CAMKK2: variants seen among roughly 807,000 people sequenced by gnomAD.
CAMKK2 encodes calcium/calmodulin dependent protein kinase kinase 2.
A neutral mutation model predicts 67.2 loss-of-function variants in CAMKK2; 30 were observed. The ratio of observed to expected loss-of-function variants is 0.45; its 90% CI spans 0.33 to 0.61. CAMKK2 has a LOEUF of 0.61. Among genes scored for constraint, CAMKK2 ranks in the 20% least tolerant of loss-of-function variants. CAMKK2 has a pLI of 0.02. For missense variants in CAMKK2, 643 were observed against 802.0 expected (o/e 0.80, Z 2.39); for synonymous variants, 322 against 326.2 (o/e 0.99, Z 0.14).
chr12:121,261,935 C>T (rs759158217), intron 6 of CAMKK2, among the ~76,000 whole-genome samples: 1 of 152,316 alleles, frequency 6.6e-6, no homozygotes, highest in South Asian at 2.1e-4. Flanking sequence ...ACCAGAGGTG[C>T]TCCAAACACA....
chr12:121,293,372 G>A (rs542537115), intron 1 of CAMKK2, among the ~76,000 whole-genome samples: 10 of 152,288 alleles, frequency 6.6e-5, no homozygotes, highest in South Asian at 2.1e-4. Context: ...AAATCCCCAG[G>A]ATCAGGAAAT....
At chr12:121,243,193 C>T (rs1371977432) in intron 16 of CAMKK2, among the ~76,000 whole-genome samples, 4 of 150,892 alleles carry the variant, frequency 2.7e-5, no homozygotes, top group Admixed American at 6.6e-5. Flanking sequence ...CCACCATGCC[C>T]GGCTAATATT....
In CAMKK2 at chr12:121,257,404, A is replaced by G. The variant is rs542447909; in HGVS notation, c.797-1600T>C. ...TGGGACTACAGGCACCTGCCACCAC[A>G]CCCGGCTAATTTTTTGTATTTTTAG... On this transcript the variant is annotated intron_variant, in intron 7 of 16. Coordinates refer to ENST00000404169, the MANE Select transcript of CAMKK2 (RefSeq NM_001270485.2). 4.2e-3 allele frequency among the ~76,000 whole-genome samples: 637 copies of G among 151,770 alleles called. 2 individuals are homozygous for G. The highest frequency in any genetic ancestry group is 7.2e-3 in the Non-Finnish European group (490 of 67,928).
intron 1 of CAMKK2, among the ~76,000 whole-genome samples, chr12:121,275,353 G>A (rs368345824): frequency 5.9e-5 from 9 of 151,952 alleles, no homozygotes; most frequent in African/African-American, 7.2e-5. Flanking sequence ...GCATGGTGGC[G>A]TGTGCCTGTA....
intron 1 of CAMKK2, among the ~76,000 whole-genome samples, chr12:121,274,804 TC>T (rs1566111201): frequency 8.3e-6 from 1 of 119,848 alleles, no homozygotes; most frequent in Non-Finnish European, 1.7e-5. Context: ...TCTTTTTTTT[TC>T]TTTTTTTTTT....
rs1046889460 is a variant in CAMKK2, at chr12:121,285,528, G to A, written c.-59-10943C>T. ...AAAAAGAAACAGAGTAGATGTGTGG[G>A]CCAGGCATGGTGGCTCACGCCTGTG... On this transcript the variant is annotated intron_variant, in intron 1 of 16. Transcript: ENST00000404169. The surrounding 1 kb of genome is among the most constrained non-coding windows in gnomAD (Gnocchi z 4.1). 3.3e-5 allele frequency among the ~76,000 whole-genome samples: 5 copies of A among 152,146 alleles called. No homozygotes were observed. Among genetic ancestry groups the A allele is most frequent in the East Asian group, 3.9e-4 (2 of 5,170 alleles).
rs116284814 is a variant in CAMKK2, at chr12:121,261,875, T to G, written c.760-1520A>C. 3.7e-3 allele frequency among the ~76,000 whole-genome samples: 568 copies of G among 152,328 alleles called. 2 individuals are homozygous for G. Among genetic ancestry groups the G allele is most frequent in the African/African-American group, 0.013 (525 of 41,584 alleles). The stretch of plus-strand genomic sequence containing the variant: ...TGAGCTGGCTGCCCCCGCTTTGTAC[T>G]CCCATGGCACTCTGAACATCCAGCA... On this transcript the variant is annotated intron_variant, in intron 6 of 16. Transcript: ENST00000404169.
chr12:121,260,401 GAA>G, intron 6 of CAMKK2, 46 bp from the exon 7 acceptor site: 1 of 1,567,824 alleles, frequency 6.4e-7, no homozygotes, highest in Non-Finnish European at 8.7e-7. Flanking sequence ...TGGCGGGGGA[GAA>G]AAAGAGAGAA....
At chr12:121,274,788 A>C (rs1151884) in intron 1 of CAMKK2, among the ~76,000 whole-genome samples, 2,459 of 139,822 alleles carry the variant, frequency 0.018, 72 homozygotes, top group African/African-American at 0.062. Context: ...TTCTTTTATT[A>C]TTTTTTCTTT....
At chr12:121,263,515 G>A (rs1893901171) in intron 6 of CAMKK2, among the ~76,000 whole-genome samples, 1 of 152,166 alleles carries the variant, frequency 6.6e-6, no homozygotes, top group Non-Finnish European at 1.5e-5. Context: ...AGTAGAAAGA[G>A]AACCAGCTTC....
At chr12:121,276,866 C>T (rs1438834416) in intron 1 of CAMKK2, among the ~76,000 whole-genome samples, 2 of 121,580 alleles carry the variant, frequency 1.6e-5, no homozygotes, top group Non-Finnish European at 3.1e-5. Flanking sequence ...AGCCTGCCAA[C>T]AGAGGGAGAC....
chr12:121,279,988 G>A (rs955997041), intron 1 of CAMKK2, among the ~76,000 whole-genome samples: 9 of 152,250 alleles, frequency 5.9e-5, no homozygotes, highest in African/African-American at 2.2e-4. Flanking sequence ...GGACACACCT[G>A]TGCAGGCTCC....
At chr12:121,272,682 G>A (rs1374357777) in intron 2 of CAMKK2, among the ~76,000 whole-genome samples, 2 of 147,678 alleles carry the variant, frequency 1.4e-5, no homozygotes, top group Non-Finnish European at 3.0e-5. Flanking sequence ...GGCCAACATG[G>A]CATTACCCCA....
rs749966784 is a variant in CAMKK2 at position 121,253,452 on chromosome 12, G to A, written c.928C>T (p.His310Tyr). 2 of 1,614,166 alleles carry A rather than the reference G, an allele frequency of 1.2e-6. No individual in the cohort carries two copies. The highest frequency in any genetic ancestry group is 8.5e-7 in the Non-Finnish European group (1 of 1,180,024). The stretch of plus-strand genomic sequence containing the variant: ...AGGTTGGAAGGTTTGATGTCACGGT[G>A]GATGATCTTCTGGTAGTGTACTGGG... ...IEYLHYQKIIHRDIKPSNLLV... is the reference protein window; with the variant it reads ...IEYLHYQKIIYRDIKPSNLLV... Residue 310 changes from histidine (H) to tyrosine (Y), a missense_variant, in exon 10 of 17, where the codon CAC (histidine) becomes TAC (tyrosine). This residue lies in a region of CAMKK2 where 483 missense variants were observed against 625.8 expected (regional missense o/e 0.77). Transcript: ENST00000404169. This position sits in a 1 kb window ranked among gnomAD's most constrained non-coding sequence, Gnocchi z 5.0.
At chr12:121,297,044 G>A (rs1300773682), upstream of CAMKK2, 1 of 153,368 alleles carries the variant, frequency 6.5e-6, no homozygotes, top group Non-Finnish European at 1.5e-5. Flanking sequence ...CGGCTGGGAG[G>A]AGAGCCTGGA....
Position 121,255,440 on chromosome 12 carries a change from C to T in CAMKK2, c.907+110G>A, listed in dbSNP as rs532648139. On this transcript the variant is annotated intron_variant, in intron 9 of 16. Transcript: ENST00000404169. ...TCCCTCTAGAGGACCCCAATCCACCCGCCCACCTCCCTGTGCTCCAGGAAG... is the reference window on the plus strand; with the variant it reads ...TCCCTCTAGAGGACCCCAATCCACCTGCCCACCTCCCTGTGCTCCAGGAAG... 6.3e-5 allele frequency: 46 copies of T among 725,704 alleles called. 1 individual carries two copies. In the East Asian group the frequency reaches 6.5e-4, roughly 10 times the overall value. 45.0% of individuals were successfully genotyped at this position (725,704 alleles called of 1,614,324 possible).
chr12:121,264,075 G>C, intron 5 of CAMKK2, 136 bp from the exon 6 acceptor site: 1 of 765,344 alleles, frequency 1.3e-6, no homozygotes, highest in Non-Finnish European at 2.0e-6. Flanking sequence ...GCCACCAGGG[G>C]CTTTAACTAA....
At chr12:121,270,700 T>C (rs1283701299) in intron 3 of CAMKK2, among the ~76,000 whole-genome samples, 198 bp downstream of exon 3, 1 of 152,166 alleles carries the variant, frequency 6.6e-6, no homozygotes, top group African/African-American at 2.4e-5. Flanking sequence ...TTTCTGAGCT[T>C]CTGCAGAAAC....
chr12:121,286,374 AGAG>A (rs1898740256), intron 1 of CAMKK2, among the ~76,000 whole-genome samples: 1 of 152,222 alleles, frequency 6.6e-6, no homozygotes, highest in Non-Finnish European at 1.5e-5. Flanking sequence ...ATGAACAGGG[AGAG>A]GAGAAGAAAC....
Sources: allele counts gnomAD v4.1 joint callset (sites outside exome capture counted in the v4.1 genomes callset), GRCh38; gene constraint gnomAD v4.1.1; regional missense constraint gnomAD v4.1.1; non-coding constraint Gnocchi (gnomAD v3.1); transcripts MANE v1.5; gene names NCBI Gene and HGNC (gene_info 2026-07-23, HGNC 2026-07-21).